The following DOCK4 variants were observed in gnomAD, a reference collection of about 807,000 sequenced individuals.
DOCK4 encodes dedicator of cytokinesis protein 4.
DOCK4 carries 97 observed loss-of-function variants against 268.1 expected under a neutral mutation model. That is an observed-to-expected ratio of 0.36 (90% CI 0.31 to 0.43). The LOEUF (loss-of-function observed/expected upper bound fraction) is 0.43, where lower values mean the gene tolerates loss of function less well. DOCK4 is among the 20% of genes least tolerant of loss of function. The probability of loss-of-function intolerance (pLI) is 1.00; values close to 1 mark genes in which losing one functional copy is unlikely to be tolerated. For missense variants in DOCK4, 2,145 were observed against 2,455.7 expected, an observed-to-expected ratio of 0.87 and a Z score of 2.67; for synonymous variants, 954 against 887.2, an observed-to-expected ratio of 1.08 and a Z score of -1.34.
chr7:112,075,248 A>G (rs1045473296), intron 1 of DOCK4, among the ~76,000 whole-genome samples: 1 of 152,248 alleles, frequency 6.6e-6, no homozygotes, highest in Non-Finnish European at 1.5e-5. Flanking sequence ...AACATATAAA[A>G]TGCAGAGCCT....
chr7:112,146,197 C>T (rs1256091507), intron 1 of DOCK4, among the ~76,000 whole-genome samples: 3 of 152,128 alleles, frequency 2.0e-5, no homozygotes, highest in African/African-American at 7.2e-5. Flanking sequence ...AATGCTTTGC[C>T]AGAAAGACTT....
At chr7:112,064,716 C>T (rs1275105717) in intron 1 of DOCK4, among the ~76,000 whole-genome samples, 1 of 152,190 alleles carries the variant, frequency 6.6e-6, no homozygotes, top group Non-Finnish European at 1.5e-5. Context: ...ATCCTAACCT[C>T]AATACCTCAG....
intron 27 of DOCK4, chr7:111,820,191 G>A (rs557826039): frequency 1.2e-4 from 19 of 152,384 alleles, no homozygotes; most frequent in Middle Eastern, 3.4e-3. Flanking sequence ...TAAAAGAGGA[G>A]AGGAGAGGAA....
At chr7:112,123,356 G>A (rs1201080129) in intron 1 of DOCK4, among the ~76,000 whole-genome samples, 1 of 152,172 alleles carries the variant, frequency 6.6e-6, no homozygotes, top group Non-Finnish European at 1.5e-5. Context: ...GCATGTCAAA[G>A]TGCCGTATTT....
intron 8 of DOCK4, among the ~76,000 whole-genome samples, chr7:111,964,228 G>A (rs1404419703): frequency 1.6e-5 from 2 of 122,496 alleles, no homozygotes; most frequent in Non-Finnish European, 3.2e-5. Context: ...GACGAGCTGA[G>A]AGAAGGCTTC....
chr7:111,788,484 A>T, intron 32 of DOCK4, 178 bp downstream of exon 32: 1 of 603,568 alleles, frequency 1.7e-6, no homozygotes, highest in African/African-American at 1.8e-5. Context: ...CATCAACATT[A>T]TAAGATCCAT....
At chr7:111,883,927 AG>A (rs35655501) in intron 16 of DOCK4, among the ~76,000 whole-genome samples, 23,181 of 152,176 alleles carry the variant, frequency 0.15, 1,976 homozygotes, top group Non-Finnish European at 0.19. Flanking sequence ...GCTTTCAGCA[AG>A]AACACTGGGG....
intron 8 of DOCK4, among the ~76,000 whole-genome samples, chr7:111,951,387 T>G (rs1255439787): frequency 6.6e-6 from 1 of 152,096 alleles, no homozygotes; most frequent in Non-Finnish European, 1.5e-5. Context: ...AGATATTAGA[T>G]AAGTTGGCCA....
At chr7:112,013,020 T>C (rs1396621717) in intron 1 of DOCK4, among the ~76,000 whole-genome samples, 1 of 152,182 alleles carries the variant, frequency 6.6e-6, no homozygotes, top group Non-Finnish European at 1.5e-5. Flanking sequence ...AAAAGTGAAT[T>C]GGAAGACAGA....
intron 30 of DOCK4, among the ~76,000 whole-genome samples, chr7:111,794,492 G>T (rs1799757498): frequency 6.6e-6 from 1 of 152,208 alleles, no homozygotes; most frequent in Non-Finnish European, 1.5e-5. Flanking sequence ...GAGAGGAGCT[G>T]ACTAAAGAGA....
chr7:111,783,905 G>A lies in DOCK4; in HGVS notation c.3476C>T (p.Ser1159Leu), dbSNP rs768607557. Residue 1159 changes from serine (S) to leucine (L), a missense_variant, in exon 34 of 53, where the codon TCA (serine) becomes TTA (leucine). Physicochemically the swap from Ser to Leu is moderately radical, Grantham distance 145. This residue lies in a region of DOCK4 where 1,598 missense variants were observed against 1,986.7 expected (regional missense o/e 0.80). Transcript: ENST00000428084. ...TAGACGAGTTACAGTAGCAATTAAT[G>A]AAACGCCACTTTCCCGCCATGTTTC... Reference protein sequence around the residue: ...ERETWRESGVSLIATVTRLME... With the variant: ...ERETWRESGVLLIATVTRLME... 3 of 1,605,872 alleles carry A rather than the reference G, an allele frequency of 1.9e-6. No individual in the cohort carries two copies. Among genetic ancestry groups the A allele is most frequent in the Non-Finnish European group, 2.6e-6 (3 of 1,175,854 alleles).
chr7:111,902,916 C>T (rs962095487), intron 13 of DOCK4, among the ~76,000 whole-genome samples: 3 of 152,082 alleles, frequency 2.0e-5, no homozygotes, highest in Non-Finnish European at 4.4e-5. Flanking sequence ...ACTACAGGTG[C>T]GTGCCACCAC....
chr7:111,806,746 G>A (rs1355362944), intron 30 of DOCK4, among the ~76,000 whole-genome samples: 1 of 152,170 alleles, frequency 6.6e-6, no homozygotes, highest in African/African-American at 2.4e-5. Flanking sequence ...GTTTCAGTAG[G>A]TCTAAGGTGG....
chr7:112,140,211 A>C (rs1301049426), intron 1 of DOCK4, among the ~76,000 whole-genome samples: 1 of 152,142 alleles, frequency 6.6e-6, no homozygotes, highest in Non-Finnish European at 1.5e-5. Flanking sequence ...TAGTCACAAT[A>C]ACAAACCAAC....
At chr7:111,797,556 A>T (rs1028599253) in intron 30 of DOCK4, among the ~76,000 whole-genome samples, 3 of 152,204 alleles carry the variant, frequency 2.0e-5, no homozygotes, top group African/African-American at 4.8e-5. Flanking sequence ...CCTATAATAC[A>T]CCAAAAGGGA....
intron 8 of DOCK4, among the ~76,000 whole-genome samples, chr7:111,970,691 C>A (rs1052250708): frequency 2.6e-5 from 4 of 152,130 alleles, no homozygotes; most frequent in Admixed American, 6.5e-5. Flanking sequence ...ACTGTATACA[C>A]CTCAAATAAA....
intron 8 of DOCK4, among the ~76,000 whole-genome samples, chr7:111,976,368 T>G (rs1472522113): frequency 7.1e-6 from 1 of 140,172 alleles, no homozygotes; most frequent in Non-Finnish European, 1.5e-5. Context: ...AAGTATTTTT[T>G]TAAAGCATGG....
At chr7:111,865,393 T>G (rs1264771965) in intron 22 of DOCK4, among the ~76,000 whole-genome samples, 2 of 152,212 alleles carry the variant, frequency 1.3e-5, no homozygotes, top group African/African-American at 4.8e-5. Context: ...CAAAGGACTG[T>G]GGTGATGGCC....
intron 41 of DOCK4, among the ~76,000 whole-genome samples, chr7:111,757,387 CAA>C (rs1274290740): frequency 1.3e-5 from 2 of 152,114 alleles, no homozygotes; most frequent in Non-Finnish European, 2.9e-5. Flanking sequence ...TGACTTTGAA[CAA>C]GTCAATTGCC....
Sources: allele counts gnomAD v4.1 joint callset (sites outside exome capture counted in the v4.1 genomes callset), GRCh38; gene constraint gnomAD v4.1.1; regional missense constraint gnomAD v4.1.1; transcripts MANE v1.5; gene names NCBI Gene and HGNC (gene_info 2026-07-23, HGNC 2026-07-21).